PSD3: variants seen among roughly 807,000 people sequenced by gnomAD.
The protein encoded by PSD3 is PH and SEC7 domain-containing protein 3.
Under a neutral mutation model 105.5 loss-of-function variants are expected in PSD3, and 49 were observed. The ratio of observed to expected loss-of-function variants is 0.46; its 90% confidence interval spans 0.37 to 0.59. The LOEUF is 0.59. Among genes scored for constraint, PSD3 ranks in the 20% least tolerant of loss-of-function variants. The probability of loss-of-function intolerance (pLI) is 0.00; values close to 1 mark genes in which losing one functional copy is unlikely to be tolerated. For synonymous variants in PSD3, 557 were observed against 457.8 expected (o/e 1.22, Z -2.77); for missense variants, 1,561 against 1,263.8 (o/e 1.24, Z -3.57).
intron 1 of PSD3, among the ~76,000 whole-genome samples, chr8:18,998,910 T>C (rs970605868): frequency 8.6e-5 from 13 of 151,956 alleles, no homozygotes; most frequent in Admixed American, 8.5e-4. Context: ...ACGTTTTTGT[T>C]ATACTTTAGT....
intron 1 of PSD3, among the ~76,000 whole-genome samples, chr8:18,954,219 T>G (rs994168092): frequency 6.6e-6 from 1 of 151,666 alleles, no homozygotes; most frequent in Non-Finnish European, 1.5e-5. Flanking sequence ...TAGAAAAAAA[T>G]CTGGAAAAAA....
intron 1 of PSD3, among the ~76,000 whole-genome samples, chr8:19,045,012 C>T (rs1439493335): frequency 6.6e-6 from 1 of 152,124 alleles, no homozygotes; most frequent in African/African-American, 2.4e-5. Flanking sequence ...TCGTGAAACC[C>T]TGTCTATACT....
chr8:18,949,244 AATATATATATAT>A lies in PSD3; in HGVS notation c.22-13114_22-13103del, dbSNP rs1215845074. Among the ~76,000 whole-genome samples the A allele has an allele frequency of 6.7e-3, 97 of 14,400 alleles. 6 individuals carry two copies. The highest frequency in any genetic ancestry group is 0.013 in the African/African-American group (87 of 6,778). The allele number at this position is 14,400 out of a possible 152,430, so 9.4% of individuals were successfully genotyped here. On this transcript the variant is annotated intron_variant, in intron 1 of 15. Transcript: ENST00000327040. ...CTCAAAAAAAAAAAAAAAAAAAAAAAATATATATATATATATATATATATATATATATATTTA... is the reference window on the plus strand; with the variant it reads ...CTCAAAAAAAAAAAAAAAAAAAAAAAATATATATATATATATATATATTTA...
intron 8 of PSD3, among the ~76,000 whole-genome samples, chr8:18,767,202 C>A (rs1807072643): frequency 6.6e-6 from 1 of 152,120 alleles, no homozygotes; most frequent in Non-Finnish European, 1.5e-5. Context: ...TTAGAAAATC[C>A]AAACTACAAA....
intron 14 of PSD3, among the ~76,000 whole-genome samples, chr8:18,563,894 G>A (rs1006106877): frequency 2.6e-5 from 4 of 152,114 alleles, no homozygotes; most frequent in East Asian, 1.9e-4. Flanking sequence ...GATCACAAGT[G>A]GTTACAGAAA....
chr8:18,684,064 C>T (rs1037924125), intron 9 of PSD3: 9 of 611,518 alleles, frequency 1.5e-5, no homozygotes, highest in South Asian at 4.3e-5. Context: ...TCCGCGTTAG[C>T]TTAAGAAGCA....
chr8:18,567,416 A>G (rs1017383606), intron 14 of PSD3, among the ~76,000 whole-genome samples: 2 of 152,134 alleles, frequency 1.3e-5, no homozygotes, highest in African/African-American at 2.4e-5. Flanking sequence ...TTGCTTTAAG[A>G]GTTCATATTT....
At chr8:18,876,373 C>G (rs1817735206) in intron 2 of PSD3, among the ~76,000 whole-genome samples, 1 of 152,050 alleles carries the variant, frequency 6.6e-6, no homozygotes, top group African/African-American at 2.4e-5. Flanking sequence ...GTTTCAGGGT[C>G]TAAATACATT....
Position 18,535,835 on chromosome 8 carries a change from T to C in PSD3, c.3052A>G (p.Thr1018Ala), listed in dbSNP as rs749483044. The C allele has an allele frequency of 3.1e-6, 5 of 1,614,132 alleles. No individual in the cohort carries two copies. Among genetic ancestry groups the C allele is most frequent in the East Asian group, 2.2e-5 (1 of 44,886 alleles). ...SHSSPSLNPD[T>A]SPITAKVKRN... ...TTGACTTTGGCAGTGATTGGAGAAG[T>C]ATCCGGGTTCAGCGAAGGACTCGAG... Residue 1018 changes from threonine (T) to alanine (A), a missense_variant, in exon 16 of 16, where the codon ACT becomes GCT. Transcript: ENST00000327040.
At chr8:18,659,964 G>C (rs1401089534) in intron 9 of PSD3, among the ~76,000 whole-genome samples, 1 of 152,162 alleles carries the variant, frequency 6.6e-6, no homozygotes. Flanking sequence ...TTACCACATG[G>C]ACCTTAATGG....
At chr8:19,004,647 A>G (rs1367474373) in intron 1 of PSD3, among the ~76,000 whole-genome samples, 1 of 152,148 alleles carries the variant, frequency 6.6e-6, no homozygotes, top group Non-Finnish European at 1.5e-5. Flanking sequence ...CACTTCTCCA[A>G]AGAAAATATA....
intron 1 of PSD3, among the ~76,000 whole-genome samples, chr8:19,081,507 A>G: frequency 6.6e-6 from 1 of 152,216 alleles, no homozygotes; most frequent in Admixed American, 6.5e-5. Context: ...TACTATCTGC[A>G]AGCATCTGTC....
intron 11 of PSD3, among the ~76,000 whole-genome samples, chr8:18,620,474 C>A (rs1436801112): frequency 6.6e-6 from 1 of 151,790 alleles, no homozygotes; most frequent in Non-Finnish European, 1.5e-5. Context: ...CTTTGGGAGG[C>A]CAAGCCTGGT....
chr8:19,022,095 G>C (rs1827382456), intron 1 of PSD3, among the ~76,000 whole-genome samples: 1 of 152,148 alleles, frequency 6.6e-6, no homozygotes, highest in Admixed American at 6.6e-5. Flanking sequence ...CAGGAGAAGG[G>C]TTGGGGGGAG....
chr8:18,830,322 T>C lies in PSD3; in HGVS notation c.1635-25424A>G, dbSNP rs573384934. On this transcript the variant is annotated intron_variant, in intron 4 of 15. Coordinates refer to ENST00000327040, the MANE Select transcript of PSD3 (RefSeq NM_015310.4). ...AAGGACCTTGCTATATTAAAGCCTT[T>C]AGGTCCTACAAGTGCTGTTGCTGAA... Among the ~76,000 whole-genome samples, 26 of 152,346 alleles carry C rather than the reference T, an allele frequency of 1.7e-4. No individual in the cohort carries two copies. The East Asian group carries it at 4.6e-3, about 27-fold the overall frequency.
At chr8:19,053,195 G>C (rs1828590549) in intron 1 of PSD3, among the ~76,000 whole-genome samples, 2 of 152,086 alleles carry the variant, frequency 1.3e-5, no homozygotes, top group African/African-American at 2.4e-5. Flanking sequence ...GTGAAAGTGG[G>C]TCTATGGCGC....
At chr8:18,878,216 T>C (rs1817862381) in intron 2 of PSD3, among the ~76,000 whole-genome samples, 1 of 152,222 alleles carries the variant, frequency 6.6e-6, no homozygotes, top group Non-Finnish European at 1.5e-5. Flanking sequence ...TGATATTGCT[T>C]TTCAAATTTC....
chr8:18,598,699 A>C (rs1444003790), intron 12 of PSD3, among the ~76,000 whole-genome samples: 1 of 152,204 alleles, frequency 6.6e-6, no homozygotes, highest in East Asian at 1.9e-4. Context: ...TAAATTCAGC[A>C]AAGTTGCAGG....
At chr8:18,677,362 G>A (rs1019123053) in intron 9 of PSD3, among the ~76,000 whole-genome samples, 2 of 152,068 alleles carry the variant, frequency 1.3e-5, no homozygotes, top group Non-Finnish European at 2.9e-5. Context: ...CAGATCACAC[G>A]AGGCCAGGAA....
Sources: gnomAD v4.1 joint callset for allele counts (sites outside exome capture counted in the v4.1 genomes callset) on GRCh38, gnomAD v4.1.1 for gene constraint, MANE v1.5 for transcripts, NCBI Gene and HGNC (gene_info 2026-07-23, HGNC 2026-07-21) for gene names.